The following CTNNA2 variants were observed in gnomAD, a reference collection of about 807,000 sequenced individuals.
CTNNA2 encodes the protein catenin alpha-2.
Under a neutral mutation model 101.0 loss-of-function variants are expected in CTNNA2, and 42 were observed. The observed-to-expected ratio is 0.42, with a 90% CI of 0.32 to 0.54. The LOEUF (loss-of-function observed/expected upper bound fraction) is 0.54, where lower values mean the gene tolerates loss of function less well. CTNNA2 is among the 20% of genes least tolerant of loss of function. The pLI is 0.14. For synonymous variants in CTNNA2, 450 were observed against 456.4 expected (o/e 0.99, Z 0.18); for missense variants, 871 against 1,223.1 (o/e 0.71, Z 4.29).
intron 4 of CTNNA2, among the ~76,000 whole-genome samples, chr2:79,446,229 A>G (rs534626645): frequency 3.3e-5 from 5 of 151,822 alleles, no homozygotes; most frequent in African/African-American, 1.2e-4. Flanking sequence ...ACAATATTCT[A>G]AGAAAAAAAA....
intron 9 of CTNNA2, among the ~76,000 whole-genome samples, chr2:80,542,251 GTGTA>G (rs1558567766): frequency 2.3e-5 from 3 of 129,962 alleles, no homozygotes; most frequent in Non-Finnish European, 4.8e-5. Flanking sequence ...ACATATTTAT[GTGTA>G]TATATATATT....
intron 2 of CTNNA2, among the ~76,000 whole-genome samples, chr2:79,284,845 C>A (rs528242067): frequency 6.9e-6 from 1 of 144,660 alleles, no homozygotes; most frequent in Non-Finnish European, 1.5e-5. Flanking sequence ...GTACCAGTTC[C>A]TCCTTGTACC....
chr2:80,144,656 C>A (rs1013126493), intron 7 of CTNNA2, among the ~76,000 whole-genome samples: 1 of 152,114 alleles, frequency 6.6e-6, no homozygotes, highest in Admixed American at 6.6e-5. Flanking sequence ...CACTTTCGCC[C>A]AAGTCACTTC....
upstream of CTNNA2, among the ~76,000 whole-genome samples, chr2:79,508,574 G>T (rs62141440): frequency 0.076 from 11,614 of 152,002 alleles, 559 homozygotes; most frequent in Non-Finnish European, 0.1. Context: ...GATTCAAATT[G>T]GTCAAAAGAC....
chr2:79,287,833 G>A (rs1289707628), intron 2 of CTNNA2, among the ~76,000 whole-genome samples: 5 of 152,312 alleles, frequency 3.3e-5, no homozygotes, highest in Admixed American at 6.5e-5. Context: ...AATGGCGGGC[G>A]CCCCTCCCCC....
intron 2 of CTNNA2, among the ~76,000 whole-genome samples, chr2:79,216,504 G>A (rs1674262076): frequency 2.0e-5 from 3 of 151,906 alleles, no homozygotes; most frequent in African/African-American, 7.3e-5. Flanking sequence ...AAGGGATCGG[G>A]GCACAGAGAT....
rs533870428 is a variant in CTNNA2 at position 80,003,610 on chromosome 2, G to A, written c.1056+93813G>A. On this transcript the variant is annotated intron_variant, in intron 7 of 18. Coordinates refer to ENST00000402739, the MANE Select transcript of CTNNA2 (RefSeq NM_001282597.3). Reference sequence around the variant, plus strand: ...TCACCTCTTAGTTGTCCACAAGTACGTGGAAGTGGTTAGAATTCCATATGT... The same window carrying A: ...TCACCTCTTAGTTGTCCACAAGTACATGGAAGTGGTTAGAATTCCATATGT... Among the ~76,000 whole-genome samples the A allele has an allele frequency of 1.3e-4, 20 of 152,226 alleles. No homozygotes were observed. In the East Asian group the frequency reaches 3.1e-3, roughly 24 times the overall value.
At chr2:79,256,518 C>T (rs1340502210) in intron 2 of CTNNA2, among the ~76,000 whole-genome samples, 1 of 152,216 alleles carries the variant, frequency 6.6e-6, no homozygotes, top group East Asian at 1.9e-4. Context: ...CAGATTATGA[C>T]ACCAGCATCA....
At chr2:79,548,899 T>G (rs1673908122) in intron 1 of CTNNA2, among the ~76,000 whole-genome samples, 1 of 152,158 alleles carries the variant, frequency 6.6e-6, no homozygotes. Context: ...CTGTTCATCA[T>G]GTACCCAACT....
chr2:79,945,581 T>C, intron 7 of CTNNA2, among the ~76,000 whole-genome samples: 1 of 152,214 alleles, frequency 6.6e-6, no homozygotes, highest in Admixed American at 6.5e-5. Context: ...TCCTTTTTAA[T>C]AGACATGACC....
intron 18 of CTNNA2, among the ~76,000 whole-genome samples, chr2:80,636,565 G>T (rs1672905100): frequency 6.6e-6 from 1 of 152,110 alleles, no homozygotes; most frequent in Admixed American, 6.6e-5. Context: ...AGGTAAGGTG[G>T]TGTCATCCTT....
intron 7 of CTNNA2, among the ~76,000 whole-genome samples, chr2:80,158,295 T>G (rs1480981423): frequency 6.6e-6 from 1 of 152,204 alleles, no homozygotes; most frequent in African/African-American, 2.4e-5. Flanking sequence ...TGAAATACCA[T>G]GTACTGTCTC....
At chr2:79,249,249 A>G (rs17016642) in intron 2 of CTNNA2, among the ~76,000 whole-genome samples, 15,482 of 152,266 alleles carry the variant, frequency 0.1, 937 homozygotes, top group East Asian at 0.14. Flanking sequence ...TTTTTCATCA[A>G]TAAATCCAGT....
intron 3 of CTNNA2, among the ~76,000 whole-genome samples, chr2:79,353,154 A>G (rs1290040091): frequency 1.3e-5 from 2 of 152,318 alleles, no homozygotes; most frequent in Non-Finnish European, 2.9e-5. Context: ...AACCATATCA[A>G]CTGCTTTAAC....
At chr2:79,320,308 A>T (rs1676590303) in intron 3 of CTNNA2, among the ~76,000 whole-genome samples, 1 of 137,194 alleles carries the variant, frequency 7.3e-6, no homozygotes, top group African/African-American at 2.8e-5. Flanking sequence ...AGAAAATGGC[A>T]GTTTCAGAAA....
chr2:80,553,059 A>T (rs1692713582), intron 11 of CTNNA2, among the ~76,000 whole-genome samples: 1 of 122,132 alleles, frequency 8.2e-6, no homozygotes, highest in South Asian at 3.2e-4. Flanking sequence ...TTTACTAAAA[A>T]GACAAAAAAA....
chr2:79,987,183 C>T (rs759052542), intron 7 of CTNNA2, among the ~76,000 whole-genome samples: 3 of 152,214 alleles, frequency 2.0e-5, no homozygotes, highest in Non-Finnish European at 4.4e-5. Context: ...CCAGCCAGGG[C>T]GTCAGCCTGT....
chr2:79,512,612 G>A (rs1310588108), upstream of CTNNA2, among the ~76,000 whole-genome samples: 3 of 89,140 alleles, frequency 3.4e-5, no homozygotes, highest in Non-Finnish European at 6.5e-5. Context: ...CCCTCTCCCC[G>A]GGCCTCGCGA....
intron 7 of CTNNA2, among the ~76,000 whole-genome samples, chr2:80,271,600 T>G (rs1473404191): frequency 6.6e-6 from 1 of 152,082 alleles, no homozygotes; most frequent in African/African-American, 2.4e-5. Context: ...TTTTTTATAT[T>G]TTTAGTAGAG....
Sources: allele counts gnomAD v4.1 joint callset (sites outside exome capture counted in the v4.1 genomes callset), GRCh38; gene constraint gnomAD v4.1.1; transcripts MANE v1.5; gene names NCBI Gene and HGNC (gene_info 2026-07-23, HGNC 2026-07-21).